Variants in PIK3R3 observed in about 807,000 individuals in gnomAD.
PIK3R3 encodes the protein phosphatidylinositol 3-kinase regulatory subunit gamma.
Under a neutral mutation model 62.9 loss-of-function variants are expected in PIK3R3, and 64 were observed. The observed-to-expected ratio is 1.02, with a 90% confidence interval of 0.83 to 1.25. The LOEUF is 1.25. Ranked by LOEUF, PIK3R3 falls within the 50% of genes most tolerant of loss-of-function variation. The probability of loss-of-function intolerance (pLI) is 0.00; values close to 1 mark genes in which losing one functional copy is unlikely to be tolerated. For missense variants in PIK3R3, 614 were observed against 561.6 expected (o/e 1.09, Z -0.94); for synonymous variants, 165 against 189.0 (o/e 0.87, Z 1.04).
At chr1:46,075,632 A>AG (rs1649999772) in intron 3 of PIK3R3, among the ~76,000 whole-genome samples, 1 of 152,016 alleles carries the variant, frequency 6.6e-6, no homozygotes, top group Non-Finnish European at 1.5e-5. Flanking sequence ...AAAAAAAAAA[A>AG]AAATTACCTT....
At chr1:46,114,768 C>T (rs866668936) in intron 1 of PIK3R3, among the ~76,000 whole-genome samples, 2 of 45,416 alleles carry the variant, frequency 4.4e-5, no homozygotes, top group African/African-American at 1.5e-4. Context: ...CCAAGCCTCA[C>T]TAATTTTTTT....
intron 7 of PIK3R3, among the ~76,000 whole-genome samples, chr1:46,047,416 C>T (rs9429091): frequency 0.22 from 30,128 of 136,482 alleles, 3,516 homozygotes; most frequent in Non-Finnish European, 0.27. Context: ...CCAGTGTGGG[C>T]GACAGAACGA....
chr1:46,137,944 C>A (rs566065477), upstream of PIK3R3, among the ~76,000 whole-genome samples: 27 of 152,332 alleles, frequency 1.8e-4, no homozygotes, highest in African/African-American at 6.5e-4. Flanking sequence ...TTGTACAGTT[C>A]TTTGGCTACA....
At chr1:46,093,490 T>C (rs1202234114) in intron 1 of PIK3R3, among the ~76,000 whole-genome samples, 1 of 152,186 alleles carries the variant, frequency 6.6e-6, no homozygotes, top group Non-Finnish European at 1.5e-5. Context: ...CTTCTACAAA[T>C]ATCTTTGATA....
At chr1:46,128,329 C>T (rs542891863) in intron 1 of PIK3R3, among the ~76,000 whole-genome samples, 2 of 151,958 alleles carry the variant, frequency 1.3e-5, no homozygotes, top group South Asian at 2.1e-4. Flanking sequence ...CCCAGCTACT[C>T]GGGAGGCTCA....
chr1:46,133,167 C>T (rs1242801286), upstream of PIK3R3: 1 of 232,682 alleles, frequency 4.3e-6, no homozygotes, highest in Non-Finnish European at 7.1e-6. Flanking sequence ...GGTCAGAGCC[C>T]AGTTACTAAG....
chr1:46,172,550 C>T, the PIK3R3 span, among the ~76,000 whole-genome samples: 39 of 152,078 alleles, frequency 2.6e-4, no homozygotes, highest in African/African-American at 8.9e-4. Context: ...ATTATCTAGG[C>T]GTGGTGGCCT....
chr1:46,100,865 T>C (rs752179636), intron 1 of PIK3R3, among the ~76,000 whole-genome samples: 6 of 152,172 alleles, frequency 3.9e-5, no homozygotes, highest in African/African-American at 7.2e-5. Context: ...ATTGTAGCTG[T>C]TGCTGCTATA....
At chr1:46,169,541 T>C in the PIK3R3 span, among the ~76,000 whole-genome samples, 5 of 152,120 alleles carry the variant, frequency 3.3e-5, no homozygotes, top group Non-Finnish European at 7.4e-5. Context: ...TTAAACACAA[T>C]TTTAGACTTC....
chr1:46,092,296 T>C (rs531377592), intron 1 of PIK3R3, among the ~76,000 whole-genome samples: 1 of 152,386 alleles, frequency 6.6e-6, no homozygotes, highest in Admixed American at 6.5e-5. Context: ...TTGGTAATTC[T>C]GGTATAAAAC....
chr1:46,118,800 C>T (rs1268852731), intron 1 of PIK3R3, among the ~76,000 whole-genome samples: 4 of 152,080 alleles, frequency 2.6e-5, no homozygotes, highest in African/African-American at 9.7e-5. Context: ...AGGTGATCTG[C>T]CCACCTCGAC....
At position 46,067,072 on chromosome 1, in the gene PIK3R3, A is replaced by G. The variant is rs748520371; in HGVS notation, c.334T>C (p.Leu112=). 17 of 1,575,942 alleles carry G rather than the reference A, an allele frequency of 1.1e-5. No homozygotes were observed. In the South Asian group the frequency reaches 1.6e-4, roughly 15 times the overall value. ...LTLRKGGNNK[L]IKIYHRDGKY... ...CCATCCCGGTGATAGATCTTTATTA[A>G]CTTATTATTGCCTCCCTTCCTGTGA... Residue 112 remains leucine (L), a synonymous_variant, in exon 4 of 10, where the codon TTA becomes CTA. Coordinates refer to ENST00000262741, the MANE Select transcript of PIK3R3 (RefSeq NM_003629.4).
chr1:46,099,891 A>G (rs566293186), intron 1 of PIK3R3, among the ~76,000 whole-genome samples: 45 of 152,340 alleles, frequency 3.0e-4, no homozygotes, highest in African/African-American at 1.0e-3. Context: ...AGTGTAAAAT[A>G]TTATTCCATT....
intron 1 of PIK3R3, among the ~76,000 whole-genome samples, chr1:46,087,363 A>T (rs1208416378): frequency 2.6e-5 from 4 of 152,030 alleles, no homozygotes; most frequent in African/African-American, 9.7e-5. Context: ...AGGGAACACC[A>T]AGCTCGCTGA....
At chr1:46,051,661 T>C (rs1362584928) in intron 7 of PIK3R3, among the ~76,000 whole-genome samples, 4 of 152,178 alleles carry the variant, frequency 2.6e-5, no homozygotes, top group Non-Finnish European at 5.9e-5. Flanking sequence ...CCCATCATCA[T>C]TATGTACCTA....
chr1:46,045,165 C>T (rs1270455618), intron 9 of PIK3R3, among the ~76,000 whole-genome samples: 3 of 152,144 alleles, frequency 2.0e-5, no homozygotes, highest in Non-Finnish European at 4.4e-5. Context: ...TAGGTATTAT[C>T]CTTATTTTAC....
chr1:46,068,827 G>A (rs973451077), intron 3 of PIK3R3, among the ~76,000 whole-genome samples: 2 of 152,188 alleles, frequency 1.3e-5, no homozygotes, highest in East Asian at 1.9e-4. Flanking sequence ...GTAGGTTACT[G>A]TAAGGGCTTT....
the PIK3R3 span, among the ~76,000 whole-genome samples, chr1:46,163,017 C>T: frequency 6.6e-6 from 1 of 152,148 alleles, no homozygotes; most frequent in African/African-American, 2.4e-5. Flanking sequence ...ATTACTTAAA[C>T]ATTATTTTGG....
At position 46,042,716 on chromosome 1, in the gene PIK3R3, TACAA is replaced by T. The variant is rs1199108586; in HGVS notation, c.*953_*956del. 2 of 209,314 alleles carry T rather than the reference TACAA, an allele frequency of 9.6e-6. No homozygotes were observed. The highest frequency in any genetic ancestry group is 1.9e-5 in the Non-Finnish European group (2 of 102,658). 13.0% of individuals were successfully genotyped at this position (209,314 alleles called of 1,614,324 possible). ...CTGCATTGCACCTTTTCTTTACTCA[TACAA>T]ACAAGTTACAAAGGTTTCAAACAAC... On this transcript the variant is annotated 3_prime_UTR_variant, in exon 10 of 10. Coordinates refer to ENST00000262741, the MANE Select transcript of PIK3R3 (RefSeq NM_003629.4). The surrounding 1 kb of genome is among the most constrained non-coding windows in gnomAD (Gnocchi z 4.3).
Sources: gnomAD v4.1 joint callset for allele counts (sites outside exome capture counted in the v4.1 genomes callset) on GRCh38, gnomAD v4.1.1 for gene constraint, Gnocchi (gnomAD v3.1) non-coding constraint, MANE v1.5 for transcripts, NCBI Gene and HGNC (gene_info 2026-07-23, HGNC 2026-07-21) for gene names.